Variants in RSPO2 observed in about 807,000 individuals in gnomAD.
The protein encoded by RSPO2 is R-spondin 2.
Under a neutral mutation model 30.9 loss-of-function variants are expected in RSPO2, and 14 were observed. The ratio of observed to expected loss-of-function variants is 0.45; its 90% CI spans 0.30 to 0.71. The LOEUF (loss-of-function observed/expected upper bound fraction) is 0.71, where lower values mean the gene tolerates loss of function less well. Ranked by LOEUF, RSPO2 falls within the 30% of genes least tolerant of loss-of-function variation. The pLI, the probability that RSPO2 is intolerant of heterozygous loss-of-function variation, is 0.08. For synonymous variants in RSPO2, 107 were observed against 96.4 expected (o/e 1.11, Z -0.64); for missense variants, 264 against 301.9 (o/e 0.87, Z 0.93).
At chr8:107,976,401 C>T (rs1266488909) in intron 3 of RSPO2, among the ~76,000 whole-genome samples, 1 of 152,192 alleles carries the variant, frequency 6.6e-6, no homozygotes, top group Non-Finnish European at 1.5e-5. Flanking sequence ...CCTCTCTGAG[C>T]TTGTCAGAGT....
intron 2 of RSPO2, among the ~76,000 whole-genome samples, chr8:107,991,259 C>CAT (rs1814838489): frequency 6.8e-6 from 1 of 146,178 alleles, no homozygotes; most frequent in Admixed American, 6.7e-5. Context: ...AACACACACA[C>CAT]ACACACACAC....
chr8:107,988,091 C>A (rs1283533608), intron 3 of RSPO2, among the ~76,000 whole-genome samples: 1 of 152,014 alleles, frequency 6.6e-6, no homozygotes, highest in Non-Finnish European at 1.5e-5. Flanking sequence ...TTTTAAACCA[C>A]AATTTCTATG....
chr8:107,959,339 C>G (rs1267267218), intron 4 of RSPO2, among the ~76,000 whole-genome samples: 5 of 152,100 alleles, frequency 3.3e-5, no homozygotes, highest in African/African-American at 1.2e-4. Flanking sequence ...TTTAGCATCT[C>G]CTATGTTAAG....
chr8:108,065,284 A>T (rs573405552), intron 2 of RSPO2, among the ~76,000 whole-genome samples: 364 of 149,464 alleles, frequency 2.4e-3, no homozygotes, highest in Non-Finnish European at 4.5e-3. Flanking sequence ...TGTATCTCAG[A>T]AATTGAAAAA....
intron 2 of RSPO2, among the ~76,000 whole-genome samples, chr8:108,002,629 A>C (rs1407626894): frequency 6.6e-6 from 1 of 152,176 alleles, no homozygotes; most frequent in Non-Finnish European, 1.5e-5. Context: ...TCCTGCTTAC[A>C]TCACTGTCTT....
chr8:108,030,067 G>T (rs1474363581), intron 2 of RSPO2, among the ~76,000 whole-genome samples: 4 of 146,618 alleles, frequency 2.7e-5, no homozygotes, highest in South Asian at 2.2e-4. Context: ...AATTTTGTTT[G>T]GTACCTGGGT....
intron 2 of RSPO2, among the ~76,000 whole-genome samples, chr8:108,023,319 T>A (rs976886420): frequency 1.1e-4 from 17 of 152,144 alleles, no homozygotes; most frequent in African/African-American, 3.9e-4. Flanking sequence ...CTGGGGAGCA[T>A]GCCACATTAC....
At chr8:107,948,633 G>A (rs1563534176) in intron 5 of RSPO2, among the ~76,000 whole-genome samples, 1 of 152,118 alleles carries the variant, frequency 6.6e-6, no homozygotes, top group African/African-American at 2.4e-5. Flanking sequence ...GCCGAGGCAG[G>A]CAGATCACAA....
chr8:108,027,303 G>A (rs1178824518), intron 2 of RSPO2, among the ~76,000 whole-genome samples: 1 of 152,160 alleles, frequency 6.6e-6, no homozygotes, highest in African/African-American at 2.4e-5. Context: ...TTGAATGAAA[G>A]ACATTGTCTA....
intron 2 of RSPO2, among the ~76,000 whole-genome samples, chr8:108,075,798 T>C (rs1323701679): frequency 6.6e-6 from 1 of 152,080 alleles, no homozygotes; most frequent in Non-Finnish European, 1.5e-5. Context: ...AAAAACAGCA[T>C]TTCTCATTAA....
At chr8:107,963,544 A>T (rs925536111) in intron 3 of RSPO2, among the ~76,000 whole-genome samples, 2 of 149,890 alleles carry the variant, frequency 1.3e-5, no homozygotes, top group Non-Finnish European at 3.0e-5. Flanking sequence ...AAAAAAAAAA[A>T]AAAAAAGGCA....
At chr8:108,014,871 G>A (rs1363708001) in intron 2 of RSPO2, among the ~76,000 whole-genome samples, 6 of 150,672 alleles carry the variant, frequency 4.0e-5, no homozygotes, top group Admixed American at 2.0e-4. Context: ...AAAAAAATTC[G>A]GTAGATTGGA....
At chr8:107,958,955 C>A (rs925737063) in intron 4 of RSPO2, among the ~76,000 whole-genome samples, 9 of 152,164 alleles carry the variant, frequency 5.9e-5, no homozygotes, top group Admixed American at 5.9e-4. Context: ...CAGTGATGAA[C>A]ATTTAGATTG....
chr8:107,987,052 C>G (rs1814667043), intron 3 of RSPO2, among the ~76,000 whole-genome samples: 2 of 152,076 alleles, frequency 1.3e-5, no homozygotes, highest in Non-Finnish European at 2.9e-5. Flanking sequence ...GAAGGTAGAT[C>G]CAAGTTTCCT....
intron 4 of RSPO2, among the ~76,000 whole-genome samples, chr8:107,959,270 A>T (rs1322382653): frequency 1.3e-5 from 2 of 152,212 alleles, no homozygotes; most frequent in South Asian, 2.1e-4. Flanking sequence ...ACAGTTTGAA[A>T]AGTAAACAAA....
intron 2 of RSPO2, among the ~76,000 whole-genome samples, chr8:108,053,732 C>A (rs1038909542): frequency 6.6e-6 from 1 of 152,142 alleles, no homozygotes; most frequent in Non-Finnish European, 1.5e-5. Context: ...AAAAAATCTA[C>A]AAGTTATTAC....
At chr8:107,902,603 A>C (rs1166034573) in intron 5 of RSPO2, among the ~76,000 whole-genome samples, 1 of 152,076 alleles carries the variant, frequency 6.6e-6, no homozygotes, top group Non-Finnish European at 1.5e-5. Flanking sequence ...AGGCCATGAG[A>C]TTTCTAAATA....
chr8:107,973,522 A>T (rs1379330568), intron 3 of RSPO2, among the ~76,000 whole-genome samples: 4 of 64,022 alleles, frequency 6.2e-5, no homozygotes, highest in African/African-American at 2.5e-4. Flanking sequence ...AGACACACAC[A>T]GACACACACT....
chr8:107,914,687 A>G (rs1242533411), intron 5 of RSPO2, among the ~76,000 whole-genome samples: 1 of 152,170 alleles, frequency 6.6e-6, no homozygotes, highest in Admixed American at 6.5e-5. Context: ...TTTTCATTAC[A>G]GTAGCTTAGA....
Sources: allele counts gnomAD v4.1 joint callset (sites outside exome capture counted in the v4.1 genomes callset), GRCh38; gene constraint gnomAD v4.1.1; transcripts MANE v1.5; gene names NCBI Gene and HGNC (gene_info 2026-07-23, HGNC 2026-07-21).